PNISR: variants seen among roughly 807,000 people sequenced by gnomAD.
PNISR encodes the protein arginine/serine-rich protein PNISR.
PNISR carries 20 observed loss-of-function variants against 93.4 expected under a neutral mutation model. The observed-to-expected ratio is 0.21, with a 90% CI of 0.15 to 0.31. The LOEUF (loss-of-function observed/expected upper bound fraction) is 0.31, where lower values mean the gene tolerates loss of function less well. PNISR is among the 10% of genes least tolerant of loss of function. PNISR has a pLI of 1.00. For missense variants in PNISR, 893 were observed against 985.4 expected (o/e 0.91, Z 1.25); for synonymous variants, 305 against 306.5 (o/e 0.99, Z 0.05).
At chr6:99,410,712 CAAT>C (rs902431989) in intron 5 of PNISR, 26 bp downstream of exon 5, 12 of 1,520,008 alleles carry the variant, frequency 7.9e-6, no homozygotes, top group Non-Finnish European at 1.0e-5. Flanking sequence ...TGCACATCTA[CAAT>C]ATTAAAGCAA....
chr6:99,409,641 A>T (rs1316540720), intron 5 of PNISR: 2 of 239,262 alleles, frequency 8.4e-6, no homozygotes, highest in African/African-American at 4.5e-5. Context: ...ACCAACACTA[A>T]GACATCAAAT....
At chr6:99,422,489 C>T (rs13198933) in intron 1 of PNISR, among the ~76,000 whole-genome samples, 17,624 of 152,114 alleles carry the variant, frequency 0.12, 1,284 homozygotes, top group Non-Finnish European at 0.17. Context: ...TGTAATCATT[C>T]GAAATACGGA....
At chr6:99,407,572 G>A (rs1261465387) in intron 7 of PNISR, among the ~76,000 whole-genome samples, 1 of 152,102 alleles carries the variant, frequency 6.6e-6, no homozygotes, top group Non-Finnish European at 1.5e-5. Flanking sequence ...TTCCTGAGTT[G>A]CATACTGGCC....
intron 7 of PNISR, 31 bp downstream of exon 7, chr6:99,408,050 C>T: frequency 6.7e-7 from 1 of 1,497,630 alleles, no homozygotes; most frequent in Non-Finnish European, 9.1e-7. Context: ...AAGATTTTCA[C>T]ATGGAGTTTC....
intron 2 of PNISR, 156 bp downstream of exon 2, chr6:99,416,193 T>G (rs897201085): frequency 1.5e-5 from 6 of 388,670 alleles, no homozygotes; most frequent in Non-Finnish European, 2.3e-5. Flanking sequence ...CTCCCCTTTT[T>G]GTCCTGTCCA....
rs1353077687 is a variant in PNISR, at chr6:99,399,130, TAAG to T, written c.*1407_*1409del. 2.0e-5 allele frequency: 3 copies of T among 152,144 alleles called. No homozygotes were observed. Among genetic ancestry groups the T allele is most frequent in the African/African-American group, 7.2e-5 (3 of 41,452 alleles). 9.4% of individuals were successfully genotyped at this position (152,144 alleles called of 1,614,324 possible). ...GATTTTTAAAATGAACTATTGCTGG[TAAG>T]AAGGCATACTTTAAAACTTTTCTGT... On this transcript the variant is annotated 3_prime_UTR_variant, in exon 12 of 12. Coordinates refer to ENST00000369239, the MANE Select transcript of PNISR (RefSeq NM_032870.4).
At chr6:99,407,137 C>T (rs987709709) in intron 7 of PNISR, among the ~76,000 whole-genome samples, 4 of 151,690 alleles carry the variant, frequency 2.6e-5, no homozygotes, top group Admixed American at 6.6e-5. Flanking sequence ...CTGGGCAACA[C>T]GGTGAAACCC....
At chr6:99,413,538 C>G (rs1032004318) in intron 3 of PNISR, among the ~76,000 whole-genome samples, 2 of 152,048 alleles carry the variant, frequency 1.3e-5, no homozygotes, top group African/African-American at 4.8e-5. Context: ...GTTGCCCCGG[C>G]TGGCCTCAAA....
intron 1 of PNISR, among the ~76,000 whole-genome samples, chr6:99,423,304 GATAAA>G (rs1778875730): frequency 6.6e-6 from 1 of 152,138 alleles, no homozygotes; most frequent in African/African-American, 2.4e-5. Context: ...ATAAGGATAT[GATAAA>G]ATAAACTAAC....
chr6:99,409,182 G>A lies in PNISR; in HGVS notation c.664C>T (p.Pro222Ser), dbSNP rs747843235. The change falls in exon 6 of 12, where the codon CCA (proline) becomes TCA (serine). Residue 222 changes from proline (P) to serine (S), a missense_variant. Pro to Ser is a moderately conservative substitution (Grantham distance 74, BLOSUM62 -1). This residue lies in a region of PNISR where 866 missense variants were observed against 935.1 expected (regional missense o/e 0.93). Transcript: ENST00000369239. ...PIALPVKQEPPQIDAVKRRTL... is the reference protein window; with the variant it reads ...PIALPVKQEPSQIDAVKRRTL... ...TAAGTTAAATAGCTACCAATTTGTG[G>A]AGGCTCCTGCTTCACAGGAAGTGCA... 2.4e-5 allele frequency: 39 copies of A among 1,613,394 alleles called. No homozygotes were observed. Among genetic ancestry groups the A allele is most frequent in the Non-Finnish European group, 2.4e-5 (28 of 1,179,642 alleles).
Position 99,409,272 on chromosome 6 carries a change from G to C in PNISR, c.574C>G (p.Pro192Ala), listed in dbSNP as rs752394053. ...PYWQPGPPGP[P>A]APPQNRRERP... ...TCTCTTCGATTCTGGGGAGGTGCTG[G>C]AGGTCCTGGAGGTCCTGGTTGCCAA... Residue 192 changes from proline (P) to alanine (A), a missense_variant, in exon 6 of 12, where the codon CCA (proline) becomes GCA (alanine). Pro to Ala is a conservative substitution (Grantham distance 27). Around this residue, in one of 3 missense-constraint regions of PNISR, gnomAD observed 866 missense variants for 935.1 expected, o/e 0.93. Transcript: ENST00000369239. 6.2e-7 allele frequency: 1 copy of C among 1,612,182 alleles called. No individual in the cohort carries two copies. The highest frequency in any genetic ancestry group is 8.5e-7 in the Non-Finnish European group (1 of 1,178,884).
At position 99,404,699 on chromosome 6, in the gene PNISR, A is replaced by G. The variant is rs758612916; in HGVS notation, c.1006T>C (p.Leu336=). Reference sequence around the variant, plus strand: ...TCTGTTAGAAGCATTTTTGTCAGCAACATCTAAAAAAGAGCATTTTATACA... The same window carrying G: ...TCTGTTAGAAGCATTTTTGTCAGCAGCATCTAAAAAAGAGCATTTTATACA... ...TEEEKEYQMM[L]LTKMLLTEIL... The change falls in exon 9 of 12, where the codon TTG becomes CTG. Residue 336 remains leucine (L), a synonymous_variant. Coordinates refer to ENST00000369239, the MANE Select transcript of PNISR (RefSeq NM_032870.4). The G allele has an allele frequency of 1.4e-5, 22 of 1,531,296 alleles. No homozygotes were observed. The South Asian group carries it at 2.5e-4, about 17-fold the overall frequency. 94.9% of individuals were successfully genotyped at this position (1,531,296 alleles called of 1,614,324 possible). A position where few individuals can be genotyped will look rare whatever the true frequency, so the allele number is the denominator to read the frequency against.
At chr6:99,407,395 G>C (rs2128483212) in intron 7 of PNISR, among the ~76,000 whole-genome samples, 1 of 150,230 alleles carries the variant, frequency 6.7e-6, no homozygotes, top group East Asian at 2.0e-4. Context: ...TCTTATTTTT[G>C]TTATTTAACA....
At chr6:99,421,658 C>T (rs572239115) in intron 1 of PNISR, among the ~76,000 whole-genome samples, 36 of 152,248 alleles carry the variant, frequency 2.4e-4, no homozygotes, top group East Asian at 1.9e-4. Context: ...CATGCCCTAC[C>T]AAAACCTCAA....
At chr6:99,410,232 A>G (rs1237272117) in intron 5 of PNISR, 2 of 155,636 alleles carry the variant, frequency 1.3e-5, no homozygotes, top group African/African-American at 2.4e-5. Flanking sequence ...CTATGTCCCT[A>G]GGAATGAATT....
At chr6:99,418,231 G>A (rs1303425389) in intron 1 of PNISR, among the ~76,000 whole-genome samples, 1 of 151,628 alleles carries the variant, frequency 6.6e-6, no homozygotes, top group East Asian at 2.0e-4. Flanking sequence ...TCTGCCTCCT[G>A]GGTTCAAGCG....
chr6:99,404,512 G>T, intron 9 of PNISR, 91 bp downstream of exon 9: 1 of 761,074 alleles, frequency 1.3e-6, no homozygotes, highest in Non-Finnish European at 2.4e-6. Context: ...ATATCTGGTA[G>T]AAATCCAACA....
In PNISR at chr6:99,408,261, T is replaced by C; in HGVS notation, c.684A>G (p.Lys228=). 3.1e-6 allele frequency: 5 copies of C among 1,604,926 alleles called. No individual in the cohort carries two copies. Among genetic ancestry groups the C allele is most frequent in the Non-Finnish European group, 4.3e-6 (5 of 1,175,942 alleles). Residue 228 remains lysine (K), a synonymous_variant, in exon 7 of 12, where the codon AAA becomes AAG. Coordinates refer to ENST00000369239, the MANE Select transcript of PNISR (RefSeq NM_032870.4). The stretch of plus-strand genomic sequence containing the variant: ...GAATCCAAGCGGGAAGAGTCCTGCG[T>C]TTTACTGCGTCTGTTTCACGTGGGA... ...KQEPPQIDAV[K]RRTLPAWIRE... is the part of the protein sequence containing the mutation.
Position 99,410,705 on chromosome 6 carries a change from A to G in PNISR, c.501+36T>C, listed in dbSNP as rs1432541684. 4 of 1,440,284 alleles carry G rather than the reference A, an allele frequency of 2.8e-6. No individual in the cohort carries two copies. In the Admixed American group the frequency reaches 6.9e-5, roughly 25 times the overall value. 89.2% of individuals were successfully genotyped at this position (1,440,284 alleles called of 1,614,324 possible). A position where few individuals can be genotyped will look rare whatever the true frequency, so the allele number is the denominator to read the frequency against. On this transcript the variant is annotated intron_variant, in intron 5 of 11. Coordinates refer to ENST00000369239, the MANE Select transcript of PNISR (RefSeq NM_032870.4). Reference sequence around the variant, plus strand: ...CACTTCCAAAGAATGGATTACGTGCACATCTACAATATTAAAGCAACAAAA... The same window carrying G: ...CACTTCCAAAGAATGGATTACGTGCGCATCTACAATATTAAAGCAACAAAA...
Sources: gnomAD v4.1 joint callset for allele counts (sites outside exome capture counted in the v4.1 genomes callset) on GRCh38, gnomAD v4.1.1 for gene constraint, gnomAD v4.1.1 regional missense constraint, MANE v1.5 for transcripts, NCBI Gene and HGNC (gene_info 2026-07-23, HGNC 2026-07-21) for gene names.